RNF150: variants seen among roughly 807,000 people sequenced by gnomAD.
The protein encoded by RNF150 is ring finger protein 150.
A neutral mutation model predicts 39.3 loss-of-function variants in RNF150; 24 were observed. The observed-to-expected ratio is 0.61, with a 90% CI of 0.44 to 0.86. The LOEUF is 0.86. RNF150 is among the 40% of genes least tolerant of loss of function. The probability of loss-of-function intolerance (pLI) is 0.00; values close to 1 mark genes in which losing one functional copy is unlikely to be tolerated. For missense variants in RNF150, 502 were observed against 587.8 expected, an observed-to-expected ratio of 0.85 and a Z score of 1.51; for synonymous variants, 255 against 227.3, an observed-to-expected ratio of 1.12 and a Z score of -1.10.
intron 1 of RNF150, among the ~76,000 whole-genome samples, chr4:141,014,173 C>T (rs77464670): frequency 6.6e-6 from 1 of 152,164 alleles, no homozygotes; most frequent in Admixed American, 6.5e-5. Context: ...GATTCCCACT[C>T]CCCCTTTAAT....
At chr4:141,038,710 T>C (rs1736243149) in intron 1 of RNF150, among the ~76,000 whole-genome samples, 1 of 152,148 alleles carries the variant, frequency 6.6e-6, no homozygotes, top group East Asian at 1.9e-4. Context: ...AAAGAATCTC[T>C]TTCCCATTTT....
intron 1 of RNF150, among the ~76,000 whole-genome samples, chr4:141,055,833 T>C (rs969161155): frequency 6.6e-6 from 1 of 152,184 alleles, no homozygotes; most frequent in Non-Finnish European, 1.5e-5. Flanking sequence ...AATCCAGCTA[T>C]ACAGGAATCA....
intron 1 of RNF150, among the ~76,000 whole-genome samples, chr4:141,013,984 C>T (rs1735168854): frequency 6.6e-6 from 1 of 152,130 alleles, no homozygotes; most frequent in Non-Finnish European, 1.5e-5. Context: ...CCATTCCCTC[C>T]CTCCCCTGAG....
At chr4:140,934,910 G>A (rs964034753) in intron 4 of RNF150, among the ~76,000 whole-genome samples, 2 of 149,192 alleles carry the variant, frequency 1.3e-5, no homozygotes, top group South Asian at 2.1e-4. Flanking sequence ...TATATTACAG[G>A]CTGGTCTGAG....
chr4:140,924,410 T>G (rs138919200), intron 5 of RNF150, among the ~76,000 whole-genome samples: 1 of 152,196 alleles, frequency 6.6e-6, no homozygotes, highest in Non-Finnish European at 1.5e-5. Context: ...TAGTACAAAA[T>G]TGAACGATGG....
At chr4:141,165,384 A>T (rs1727583231) in intron 1 of RNF150, among the ~76,000 whole-genome samples, 1 of 152,178 alleles carries the variant, frequency 6.6e-6, no homozygotes, top group South Asian at 2.1e-4. Flanking sequence ...TATTAGGCAG[A>T]TTAATGAGAT....
chr4:140,923,955 A>G (rs1000873794), intron 5 of RNF150, among the ~76,000 whole-genome samples: 1 of 150,296 alleles, frequency 6.7e-6, no homozygotes, highest in Non-Finnish European at 1.5e-5. Flanking sequence ...GGAACATCAC[A>G]CACTGGGGCC....
At chr4:141,181,330 A>G (rs1251595126) in intron 1 of RNF150, among the ~76,000 whole-genome samples, 1 of 152,224 alleles carries the variant, frequency 6.6e-6, no homozygotes, top group Non-Finnish European at 1.5e-5. Flanking sequence ...TTAGCCTTTC[A>G]CATGAAAGAA....
intron 6 of RNF150, among the ~76,000 whole-genome samples, chr4:140,874,817 G>T (rs557576174): frequency 6.6e-6 from 1 of 152,148 alleles, no homozygotes; most frequent in Non-Finnish European, 1.5e-5. Context: ...AGTCTGTTGA[G>T]TAGCTGATTT....
chr4:141,116,315 A>G (rs1012239943), intron 1 of RNF150, among the ~76,000 whole-genome samples: 10 of 152,226 alleles, frequency 6.6e-5, no homozygotes, highest in Admixed American at 3.3e-4. Flanking sequence ...AAACAACCCC[A>G]TCAAAAAGTG....
intron 4 of RNF150, among the ~76,000 whole-genome samples, chr4:140,934,766 C>T (rs760427157): frequency 4.0e-5 from 6 of 151,654 alleles, no homozygotes; most frequent in Non-Finnish European, 8.8e-5. Context: ...ATGGTGTCAA[C>T]TCCACAGCCA....
At chr4:141,038,447 TG>T (rs1485219835) in intron 1 of RNF150, among the ~76,000 whole-genome samples, 5 of 152,098 alleles carry the variant, frequency 3.3e-5, no homozygotes, top group African/African-American at 7.2e-5. Flanking sequence ...CCCAGCACTT[TG>T]GGAGGCCGAC....
intron 1 of RNF150, among the ~76,000 whole-genome samples, chr4:141,146,068 G>C (rs1427605065): frequency 6.6e-6 from 1 of 152,132 alleles, no homozygotes; most frequent in Non-Finnish European, 1.5e-5. Flanking sequence ...TAACTTGACT[G>C]GTTAAATATT....
intron 1 of RNF150, among the ~76,000 whole-genome samples, chr4:141,180,883 C>T (rs191198804): frequency 6.6e-6 from 1 of 152,092 alleles, no homozygotes. Flanking sequence ...GATGTTTACA[C>T]CAGGTTACAG....
Position 140,887,324 on chromosome 4 carries a change from T to C in RNF150, c.1199-18945A>G, listed in dbSNP as rs182540407. ...TGTAATGAGATTTGATAAATACACATGCATATAAACATAACGCACAATGCT... is the reference window on the plus strand; with the variant it reads ...TGTAATGAGATTTGATAAATACACACGCATATAAACATAACGCACAATGCT... On this transcript the variant is annotated intron_variant, in intron 6 of 6. Coordinates refer to ENST00000515673, the MANE Select transcript of RNF150 (RefSeq NM_020724.2). Among the ~76,000 whole-genome samples the C allele has an allele frequency of 2.9e-3, 439 of 152,336 alleles. 3 individuals carry two copies. The highest frequency in any genetic ancestry group is 5.4e-3 in the Non-Finnish European group (365 of 68,026).
intron 1 of RNF150, among the ~76,000 whole-genome samples, chr4:141,072,843 T>C (rs1737756834): frequency 6.6e-6 from 1 of 152,094 alleles, no homozygotes; most frequent in Non-Finnish European, 1.5e-5. Flanking sequence ...CCTCCCAGAA[T>C]CAAAGTCTCA....
At chr4:141,196,362 G>C (rs1173435017) in intron 1 of RNF150, among the ~76,000 whole-genome samples, 2 of 152,118 alleles carry the variant, frequency 1.3e-5, no homozygotes, top group African/African-American at 4.8e-5. Flanking sequence ...CATCAGTTAG[G>C]TTCCCCCTTT....
At chr4:140,874,100 G>A (rs187644977) in intron 6 of RNF150, among the ~76,000 whole-genome samples, 4 of 152,106 alleles carry the variant, frequency 2.6e-5, no homozygotes, top group African/African-American at 9.7e-5. Flanking sequence ...CAGTGGTGGG[G>A]TTTATTAATT....
intron 1 of RNF150, among the ~76,000 whole-genome samples, chr4:141,115,527 T>C (rs1234207071): frequency 6.6e-6 from 1 of 152,314 alleles, no homozygotes; most frequent in Non-Finnish European, 1.5e-5. Flanking sequence ...TCCATGCTCA[T>C]GGATAGGAAG....
Sources: allele counts gnomAD v4.1 joint callset (sites outside exome capture counted in the v4.1 genomes callset), GRCh38; gene constraint gnomAD v4.1.1; transcripts MANE v1.5; gene names NCBI Gene and HGNC (gene_info 2026-07-23, HGNC 2026-07-21).